The following LRRC4C variants were observed in gnomAD, a reference collection of about 807,000 sequenced individuals.
LRRC4C encodes leucine rich repeat containing 4C.
Under a neutral mutation model 33.6 loss-of-function variants are expected in LRRC4C, and 5 were observed. The ratio of observed to expected loss-of-function variants is 0.15; its 90% CI spans 0.08 to 0.31. LRRC4C has a LOEUF of 0.31. LRRC4C is among the 10% of genes least tolerant of loss of function. The pLI, the probability that LRRC4C is intolerant of heterozygous loss-of-function variation, is 1.00. For missense variants in LRRC4C, 560 were observed against 796.7 expected (o/e 0.70, Z 3.58); for synonymous variants, 329 against 302.0 (o/e 1.09, Z -0.93).
intron 2 of LRRC4C, among the ~76,000 whole-genome samples, chr11:40,696,073 GTA>G (rs146792556): frequency 0.21 from 28,268 of 134,750 alleles, 3,390 homozygotes; most frequent in East Asian, 0.43. Flanking sequence ...ATATGAGTGT[GTA>G]TATATATATA....
At chr11:40,682,545 G>A (rs1260862256) in intron 2 of LRRC4C, among the ~76,000 whole-genome samples, 1 of 152,038 alleles carries the variant, frequency 6.6e-6, no homozygotes, top group Non-Finnish European at 1.5e-5. Flanking sequence ...GGAGGCCGAG[G>A]CAGGTAGATC....
intron 2 of LRRC4C, among the ~76,000 whole-genome samples, chr11:40,695,534 C>T (rs1338934747): frequency 2.6e-5 from 4 of 152,110 alleles, no homozygotes; most frequent in Non-Finnish European, 4.4e-5. Context: ...AGTAAGTTAA[C>T]ACAACACAAA....
intron 1 of LRRC4C, among the ~76,000 whole-genome samples, chr11:41,147,272 A>G (rs931073981): frequency 3.9e-5 from 6 of 152,204 alleles, no homozygotes; most frequent in African/African-American, 1.4e-4. Context: ...AGGTTCATGA[A>G]TGTCTGCAAC....
intron 2 of LRRC4C, among the ~76,000 whole-genome samples, chr11:40,861,836 G>A (rs766106112): frequency 8.5e-5 from 13 of 152,148 alleles, no homozygotes; most frequent in African/African-American, 3.1e-4. Context: ...CATGTCACAT[G>A]GTGAGAGAAA....
chr11:41,208,464 T>C (rs1946688003), intron 1 of LRRC4C, among the ~76,000 whole-genome samples: 1 of 152,192 alleles, frequency 6.6e-6, no homozygotes, highest in Non-Finnish European at 1.5e-5. Flanking sequence ...ACACATAGGA[T>C]GAGGCTGGAC....
chr11:41,308,939 G>C (rs1193465236), intron 1 of LRRC4C, among the ~76,000 whole-genome samples: 1 of 152,120 alleles, frequency 6.6e-6, no homozygotes. Flanking sequence ...CGAGTAGCTG[G>C]CGTTACAGGC....
chr11:40,862,460 G>C (rs181534470), intron 2 of LRRC4C, among the ~76,000 whole-genome samples: 1 of 152,286 alleles, frequency 6.6e-6, no homozygotes, highest in African/African-American at 2.4e-5. Flanking sequence ...ACTAAAGTAA[G>C]ACATTTTACA....
At chr11:40,510,429 T>G (rs1565459796) in intron 3 of LRRC4C, among the ~76,000 whole-genome samples, 1 of 152,102 alleles carries the variant, frequency 6.6e-6, no homozygotes, top group African/African-American at 2.4e-5. Flanking sequence ...ATAAAATGTT[T>G]ATAATAATGA....
chr11:41,038,340 ATCT>A (rs1394765311), intron 1 of LRRC4C, among the ~76,000 whole-genome samples: 1 of 152,198 alleles, frequency 6.6e-6, no homozygotes, highest in African/African-American at 2.4e-5. Flanking sequence ...GTTTTCAGTG[ATCT>A]TCTCTTTATT....
intron 1 of LRRC4C, among the ~76,000 whole-genome samples, chr11:41,316,289 A>AAAAAAAAAAAAAAAAG: frequency 6.6e-6 from 1 of 151,378 alleles, no homozygotes; most frequent in Admixed American, 6.6e-5. Context: ...ACAAAAAAAA[A>AAAAAAAAAAAAAAAAG]CAAACATGAG....
chr11:40,643,213 C>G (rs11035988), intron 3 of LRRC4C, among the ~76,000 whole-genome samples: 30,295 of 152,030 alleles, frequency 0.2, 3,453 homozygotes, highest in East Asian at 0.47. Flanking sequence ...ACATTTGACT[C>G]TTTCTGGCCA....
chr11:40,606,539 A>G (rs943890488), intron 3 of LRRC4C, among the ~76,000 whole-genome samples: 1 of 152,140 alleles, frequency 6.6e-6, no homozygotes, highest in Admixed American at 6.6e-5. Context: ...TGGCCCCATC[A>G]AGAAAAACAA....
intron 3 of LRRC4C, among the ~76,000 whole-genome samples, chr11:40,621,316 T>C (rs1962434754): frequency 6.6e-6 from 1 of 151,632 alleles, no homozygotes; most frequent in South Asian, 2.1e-4. Context: ...TTCTGGCCCT[T>C]GTCTACATCT....
chr11:40,764,518 C>T (rs758437323), intron 2 of LRRC4C, among the ~76,000 whole-genome samples: 13 of 152,138 alleles, frequency 8.5e-5, no homozygotes, highest in Non-Finnish European at 5.9e-5. Context: ...TTGGGATCCA[C>T]CTTTGGCTGG....
chr11:41,227,631 C>T (rs1947601305), intron 1 of LRRC4C, among the ~76,000 whole-genome samples: 1 of 152,136 alleles, frequency 6.6e-6, no homozygotes, highest in African/African-American at 2.4e-5. Context: ...TCCCAAGTAG[C>T]TGGGACTATA....
intron 2 of LRRC4C, among the ~76,000 whole-genome samples, chr11:40,854,093 A>G (rs1257055225): frequency 6.6e-6 from 1 of 152,222 alleles, no homozygotes; most frequent in Non-Finnish European, 1.5e-5. Context: ...ATGCCTCGGC[A>G]GTGGCAGCTT....
Position 40,822,600 on chromosome 11 carries a change from A to T in LRRC4C, c.-407+111035T>A, listed in dbSNP as rs369720827. 2.2e-4 allele frequency among the ~76,000 whole-genome samples: 33 copies of T among 151,786 alleles called. No individual in the cohort carries two copies. In the South Asian group the frequency reaches 6.6e-3, roughly 31 times the overall value. On this transcript the variant is annotated intron_variant, in intron 2 of 6. Transcript: ENST00000528697. ...ATTCCGTGTCAGTTGGAAAGTTTGC[A>T]AATATTTTCTCCCATGCTGTAGGTT...
At chr11:40,534,042 C>T (rs1008936321) in intron 3 of LRRC4C, among the ~76,000 whole-genome samples, 4 of 152,116 alleles carry the variant, frequency 2.6e-5, no homozygotes, top group Non-Finnish European at 5.9e-5. Flanking sequence ...TTGTTATGAA[C>T]TTGAATTAGA....
intron 2 of LRRC4C, among the ~76,000 whole-genome samples, chr11:40,717,566 T>TG (rs1311586734): frequency 7.9e-5 from 12 of 152,014 alleles, no homozygotes; most frequent in East Asian, 1.9e-4. Context: ...GTTCTTTTTT[T>TG]GGGGGGGTAC....
Sources: allele counts gnomAD v4.1 joint callset (sites outside exome capture counted in the v4.1 genomes callset), GRCh38; gene constraint gnomAD v4.1.1; transcripts MANE v1.5; gene names NCBI Gene and HGNC (gene_info 2026-07-23, HGNC 2026-07-21).